Variants in ZNF652 observed in about 807,000 individuals in gnomAD.
ZNF652 encodes zinc finger protein 652.
ZNF652 carries 16 observed loss-of-function variants against 45.2 expected under a neutral mutation model. That is an observed-to-expected ratio of 0.35 (90% CI 0.24 to 0.54). ZNF652 has a LOEUF of 0.54. ZNF652 is among the 20% of genes least tolerant of loss of function. The pLI is 0.91. For missense variants in ZNF652, 614 were observed against 765.6 expected (o/e 0.80, Z 2.34); for synonymous variants, 250 against 260.6 (o/e 0.96, Z 0.39).
In ZNF652 at chr17:49,294,680, C is replaced by T. The variant is rs551367252; in HGVS notation, c.*3733G>A. ...ACAAATACAAACCAACCCACACACA[C>T]AAAAAATACAATGCCAACTCATCCT... On this transcript the variant is annotated 3_prime_UTR_variant, in exon 6 of 6. Transcript: ENST00000430262. 1.3e-5 allele frequency: 2 copies of T among 152,146 alleles called. No individual in the cohort carries two copies. Among genetic ancestry groups the T allele is most frequent in the South Asian group, 4.1e-4 (2 of 4,836 alleles). The allele number at this position is 152,146 out of a possible 1,614,324, so 9.4% of individuals were successfully genotyped here. A position where few individuals can be genotyped will look rare whatever the true frequency, so the allele number is the denominator to read the frequency against.
intron 1 of ZNF652, among the ~76,000 whole-genome samples, chr17:49,337,205 G>A (rs1418771040): frequency 7.9e-5 from 12 of 151,468 alleles, no homozygotes; most frequent in Non-Finnish European, 7.4e-5. Flanking sequence ...GTGTGGTGGT[G>A]CATGCCTACA....
intron 1 of ZNF652, among the ~76,000 whole-genome samples, chr17:49,348,114 A>G (rs1320061741): frequency 2.0e-5 from 3 of 152,158 alleles, no homozygotes; most frequent in African/African-American, 4.8e-5. Flanking sequence ...ACTGAGGAAC[A>G]TATCAAATGA....
At chr17:49,300,216 T>A (rs1463120666) in intron 5 of ZNF652, among the ~76,000 whole-genome samples, 1 of 152,214 alleles carries the variant, frequency 6.6e-6, no homozygotes, top group Admixed American at 6.5e-5. Context: ...TATGTGGGAC[T>A]ATCTGGCACC....
chr17:49,359,351 A>T (rs1264860966), intron 1 of ZNF652, among the ~76,000 whole-genome samples: 1 of 152,222 alleles, frequency 6.6e-6, no homozygotes, highest in African/African-American at 2.4e-5. Flanking sequence ...CTTATAGGGT[A>T]TGCTGCATAA....
chr17:49,308,122 C>G (rs1340584940), intron 5 of ZNF652, among the ~76,000 whole-genome samples: 2 of 151,778 alleles, frequency 1.3e-5, no homozygotes, highest in African/African-American at 4.8e-5. Context: ...TATGATTTTA[C>G]TTTGTTTGCA....
intron 2 of ZNF652, 147 bp from the exon 3 acceptor site, chr17:49,312,992 A>C (rs1221648578): frequency 4.4e-6 from 3 of 681,720 alleles, no homozygotes; most frequent in Non-Finnish European, 7.2e-6. Flanking sequence ...CCAGATTCCA[A>C]CACCAACATC....
intron 5 of ZNF652, among the ~76,000 whole-genome samples, chr17:49,308,135 T>G (rs536074411): frequency 6.6e-6 from 1 of 152,256 alleles, no homozygotes; most frequent in South Asian, 2.1e-4. Context: ...TGTTTGCAAT[T>G]TTCATAGTTT....
chr17:49,309,329 TAAAAA>T (rs11307814), intron 5 of ZNF652, among the ~76,000 whole-genome samples: 2 of 66,310 alleles, frequency 3.0e-5, no homozygotes, highest in Non-Finnish European at 2.8e-5. Context: ...CTGTCTCTAC[TAAAAA>T]AAAAAAAAAA....
chr17:49,348,543 A>AGAAAAGAAAAGAAAAGAAAAG (rs1567699129), intron 1 of ZNF652, among the ~76,000 whole-genome samples: 2 of 148,926 alleles, frequency 1.3e-5, no homozygotes, highest in African/African-American at 4.9e-5. Flanking sequence ...AGAAAAGAAA[A>AGAAAAGAAAAGAAAAGAAAAG]ACCCCCGCAA....
intron 1 of ZNF652, among the ~76,000 whole-genome samples, chr17:49,351,014 T>TATATATAC (rs2070273379): frequency 6.4e-4 from 19 of 29,660 alleles, no homozygotes; most frequent in Admixed American, 1.1e-3. Context: ...TATATATATA[T>TATATATAC]ACACACACAC....
Position 49,311,371 on chromosome 17 carries a change from C to A in ZNF652, c.1250G>T (p.Trp417Leu). Residue 417 changes from tryptophan (W) to leucine (L), a missense_variant, in exon 5 of 6, where the codon TGG becomes TTG. Trp to Leu is a moderately conservative substitution (Grantham distance 61, BLOSUM62 -2). This residue lies in a region of ZNF652 where 81 missense variants were observed against 167.0 expected (regional missense o/e 0.48). Transcript: ENST00000430262. ...HIGHKQFMCQWCGKDFNMKQY... is the reference protein window; with the variant it reads ...HIGHKQFMCQLCGKDFNMKQY... ...CTTCATGTTGAAATCCTTGCCACAC[C>A]ACTGGCACATGAACTGTTTGTGCCC... 1 of 1,614,080 alleles carries A rather than the reference C, an allele frequency of 6.2e-7. No individual in the cohort carries two copies. The highest frequency in any genetic ancestry group is 8.5e-7 in the Non-Finnish European group (1 of 1,179,974).
At chr17:49,300,965 G>A (rs2069544683) in intron 5 of ZNF652, among the ~76,000 whole-genome samples, 1 of 152,184 alleles carries the variant, frequency 6.6e-6, no homozygotes, top group African/African-American at 2.4e-5. Flanking sequence ...TAGAGTTTAT[G>A]TTTTTGACAT....
chr17:49,311,250 C>T, intron 5 of ZNF652, 62 bp downstream of exon 5: 4 of 1,525,844 alleles, frequency 2.6e-6, no homozygotes, highest in South Asian at 1.2e-5. Context: ...AAAAACAGAC[C>T]CACAGATGAT....
intron 5 of ZNF652, among the ~76,000 whole-genome samples, chr17:49,307,845 G>T (rs1378540287): frequency 6.6e-6 from 1 of 152,092 alleles, no homozygotes. Flanking sequence ...GATAATGCCT[G>T]ACATATATGT....
chr17:49,298,273 C>G lies in ZNF652; in HGVS notation c.*140G>C, dbSNP rs1279101411. 9.7e-7 allele frequency: 1 copy of G among 1,033,972 alleles called. No homozygotes were observed. 64.0% of individuals were successfully genotyped at this position (1,033,972 alleles called of 1,614,324 possible). A position where few individuals can be genotyped will look rare whatever the true frequency, so the allele number is the denominator to read the frequency against. Reference sequence around the variant, plus strand: ...AGTCTTCTTGTTCATTCCCTTGGATCTGTTGATTCAGTGACACTGGCGAAG... The same window carrying G: ...AGTCTTCTTGTTCATTCCCTTGGATGTGTTGATTCAGTGACACTGGCGAAG... On this transcript the variant is annotated 3_prime_UTR_variant, in exon 6 of 6. Transcript: ENST00000430262.
chr17:49,350,593 T>C (rs2070260887), intron 1 of ZNF652, among the ~76,000 whole-genome samples: 1 of 151,844 alleles, frequency 6.6e-6, no homozygotes. Flanking sequence ...GCATAAACTA[T>C]GTTATAATCA....
At chr17:49,344,388 T>C (rs1027198215) in intron 1 of ZNF652, among the ~76,000 whole-genome samples, 8 of 151,652 alleles carry the variant, frequency 5.3e-5, no homozygotes, top group Admixed American at 3.9e-4. Context: ...AAAAAATTTA[T>C]TCCCCTTCAC....
rs1337999390 is a variant in ZNF652 at position 49,361,622 on chromosome 17, G to T, written c.-259+287C>A. Among the ~76,000 whole-genome samples, 5 of 152,224 alleles carry T rather than the reference G, an allele frequency of 3.3e-5. No individual in the cohort carries two copies. The East Asian group carries it at 9.7e-4, about 29-fold the overall frequency. ...CCCCAGCCTCCCCTCAGGCCTCAGG[G>T]CGAGCGGACCCGCTGCAAAACTGCA... On this transcript the variant is annotated intron_variant, in intron 1 of 5. Coordinates refer to ENST00000430262, the MANE Select transcript of ZNF652 (RefSeq NM_001145365.3).
intron 1 of ZNF652, among the ~76,000 whole-genome samples, chr17:49,334,763 A>T (rs1243550279): frequency 6.7e-6 from 1 of 148,310 alleles, no homozygotes; most frequent in Non-Finnish European, 1.5e-5. Flanking sequence ...TGGGAGACAG[A>T]GCAAGACTCG....
Sources: allele counts gnomAD v4.1 joint callset (sites outside exome capture counted in the v4.1 genomes callset), GRCh38; gene constraint gnomAD v4.1.1; regional missense constraint gnomAD v4.1.1; transcripts MANE v1.5; gene names NCBI Gene and HGNC (gene_info 2026-07-23, HGNC 2026-07-21).